Variants in RAB13 observed in about 807,000 individuals in gnomAD.
RAB13 encodes RAB13, member RAS oncogene family, also known as ras-related protein Rab-13.
RAB13 carries 15 observed loss-of-function variants against 29.3 expected under a neutral mutation model. That is an observed-to-expected ratio of 0.51 (90% CI 0.34 to 0.79). RAB13 has a LOEUF of 0.79. Ranked by LOEUF, RAB13 falls within the 30% of genes least tolerant of loss-of-function variation. The pLI is 0.01. For synonymous variants in RAB13, 82 were observed against 93.8 expected (o/e 0.87, Z 0.73); for missense variants, 186 against 255.5 (o/e 0.73, Z 1.85).
chr1:153,990,313 G>C (rs1390836956), upstream of RAB13, among the ~76,000 whole-genome samples: 1 of 152,168 alleles, frequency 6.6e-6, no homozygotes, highest in African/African-American at 2.4e-5. Flanking sequence ...TGATCCACCC[G>C]CCTTGGCCTC....
intron 1 of RAB13, 56 bp downstream of exon 1, chr1:153,986,057 G>A (rs1649157373): frequency 1.2e-6 from 2 of 1,607,866 alleles, no homozygotes; most frequent in Non-Finnish European, 1.7e-6. Context: ...TAATCCGGGA[G>A]CCGGAGAAGG....
intron 1 of RAB13, 29 bp from the exon 2 acceptor site, chr1:153,984,810 G>A (rs757615657): frequency 1.9e-6 from 3 of 1,600,994 alleles, no homozygotes; most frequent in East Asian, 4.5e-5. Context: ...CACTGAAGTT[G>A]AGACATGCAT....
intron 1 of RAB13, 48 bp from the exon 2 acceptor site, chr1:153,984,829 G>C: frequency 1.3e-6 from 2 of 1,559,882 alleles, no homozygotes; most frequent in Non-Finnish European, 1.8e-6. Context: ...ATGCACACAT[G>C]TAAAACTGTG....
At chr1:153,984,588 T>C in intron 2 of RAB13, 133 bp downstream of exon 2, 3 of 751,394 alleles carry the variant, frequency 4.0e-6, no homozygotes, top group Non-Finnish European at 6.7e-6. Flanking sequence ...TCCGGAGAAA[T>C]GCCAGAAGTG....
chr1:153,987,401 A>G (rs1459730626), upstream of RAB13, among the ~76,000 whole-genome samples: 1 of 151,890 alleles, frequency 6.6e-6, no homozygotes, highest in African/African-American at 2.4e-5. Context: ...CTGTAGTCCT[A>G]GCCACTTGGG....
rs186620971 is a variant in RAB13, at chr1:153,983,493, A to C, written c.246+28T>G. On this transcript the variant is annotated intron_variant, in intron 3 of 7. Transcript: ENST00000368575. ...AATATATTCTGTAGCCTCATCCTTC[A>C]TCCTTTGTTCAGACCCACACTTCAT... is the stretch of plus-strand genomic sequence containing the variant. 6.6e-4 allele frequency: 1,037 copies of C among 1,574,248 alleles called. 7 individuals carry two copies. The African/African-American group carries it at 9.0e-3, about 14-fold the overall frequency.
At chr1:153,986,686 G>A (rs986881046), upstream of RAB13, among the ~76,000 whole-genome samples, 3 of 150,454 alleles carry the variant, frequency 2.0e-5, no homozygotes, top group Non-Finnish European at 3.0e-5. Context: ...AAGGGTGAAG[G>A]TAGGGAGAGC....
Position 153,982,786 on chromosome 1 carries a change from C to T in RAB13, c.347G>A (p.Arg116His). ...GTCACATTTGTTCCCCAGCAAGAGG[C>T]GCTCCACCCCAGCCGAGGCATTCTG... Reference protein sequence around the residue: ...IKENASAGVERLLLGNKCDME... With the variant: ...IKENASAGVEHLLLGNKCDME... The change falls in exon 5 of 8, where the codon CGC (arginine) becomes CAC (histidine). Residue 116 changes from arginine (R) to histidine (H), a missense_variant. Coordinates refer to ENST00000368575, the MANE Select transcript of RAB13 (RefSeq NM_002870.5). 4.3e-6 allele frequency: 7 copies of T among 1,614,162 alleles called. No individual in the cohort carries two copies. Among genetic ancestry groups the T allele is most frequent in the South Asian group, 2.2e-5 (2 of 91,078 alleles).
chr1:153,986,280 C>A lies in RAB13; in HGVS notation c.-44G>T. 1 of 1,548,522 alleles carries A rather than the reference C, an allele frequency of 6.5e-7. No homozygotes were observed. Among genetic ancestry groups the A allele is most frequent in the Non-Finnish European group, 8.9e-7 (1 of 1,126,934 alleles). On this transcript the variant is annotated 5_prime_UTR_variant, in exon 1 of 8. Coordinates refer to ENST00000368575, the MANE Select transcript of RAB13 (RefSeq NM_002870.5). The stretch of plus-strand genomic sequence containing the variant: ...CGGGGGAGGGGTGGGGAGCGCCCGG[C>A]ACTGGTAGGCGGGACTGGACGGTTG...
At chr1:153,989,807 G>A (rs1302214631), upstream of RAB13, among the ~76,000 whole-genome samples, 2 of 151,434 alleles carry the variant, frequency 1.3e-5, no homozygotes, top group African/African-American at 4.8e-5. Context: ...CAGGAGAATC[G>A]CTTGAACGCG....
upstream of RAB13, among the ~76,000 whole-genome samples, chr1:153,987,528 A>AAAAG (rs1553215351): frequency 0.11 from 14,266 of 126,076 alleles, 1,403 homozygotes; most frequent in African/African-American, 0.21. Context: ...AAAAAAAAAA[A>AAAAG]AAAGAAAGAA....
intron 1 of RAB13, 120 bp downstream of exon 1, chr1:153,985,993 G>T (rs760582389): frequency 2.8e-5 from 42 of 1,494,750 alleles, no homozygotes; most frequent in Non-Finnish European, 3.7e-5. Flanking sequence ...CAGGGGTTGA[G>T]GGACTAGAAT....
At chr1:153,990,269 T>C (rs998044674), upstream of RAB13, among the ~76,000 whole-genome samples, 1 of 152,244 alleles carries the variant, frequency 6.6e-6, no homozygotes, top group South Asian at 2.1e-4. Flanking sequence ...TTTCACTATG[T>C]TGGCCAGGCT....
chr1:153,986,987 A>G (rs941956890), upstream of RAB13, among the ~76,000 whole-genome samples: 1 of 152,194 alleles, frequency 6.6e-6, no homozygotes, highest in Non-Finnish European at 1.5e-5. Context: ...CTACCTAGAC[A>G]CATCCTGGGG....
rs1649133006 is a variant in RAB13, at chr1:153,985,442, C to T, written c.125-661G>A. The T allele has an allele frequency of 4.3e-6, 4 of 923,082 alleles. No individual in the cohort carries two copies. In the African/African-American group the frequency reaches 7.2e-5, roughly 17 times the overall value. The allele number at this position is 923,082 out of a possible 1,614,324, so 57.2% of individuals were successfully genotyped here. A position where few individuals can be genotyped will look rare whatever the true frequency, so the allele number is the denominator to read the frequency against. On this transcript the variant is annotated intron_variant, in intron 1 of 7. Transcript: ENST00000368575. ...CTTCTTAGTAGAAACTTGGGCACCT[C>T]CCCCAAGCCTGCTGGGGGCCCCTGG...
intron 4 of RAB13, 139 bp downstream of exon 4, chr1:153,983,080 C>G: frequency 1.2e-6 from 1 of 827,976 alleles, no homozygotes. Context: ...AGCCGAGATC[C>G]TGCCATTGCA....
At chr1:153,984,465 GTTGT>G (rs1326435149) in intron 2 of RAB13, among the ~76,000 whole-genome samples, 2 of 152,166 alleles carry the variant, frequency 1.3e-5, no homozygotes, top group Admixed American at 1.3e-4. Context: ...TGACTGAACA[GTTGT>G]TTGTTGTCAA....
In RAB13 at chr1:153,982,856, G is replaced by T. The variant is rs1312302951; in HGVS notation, c.325-48C>A. On this transcript the variant is annotated intron_variant, in intron 4 of 7. Transcript: ENST00000368575. ...AGTTAGGTCCTGCCGGCTGGGAGCG[G>T]TGGCTCACGCCTGTAATCCCAGCAC... The T allele has an allele frequency of 1.9e-6, 3 of 1,584,662 alleles. No homozygotes were observed. In the East Asian group the frequency reaches 6.7e-5, roughly 36 times the overall value.
upstream of RAB13, among the ~76,000 whole-genome samples, chr1:153,987,523 A>AG (rs1232427860): frequency 2.9e-5 from 4 of 139,008 alleles, no homozygotes; most frequent in Non-Finnish European, 6.1e-5. Flanking sequence ...CTCAAAAAAA[A>AG]AAAAAAAAGA....
Sources: allele counts gnomAD v4.1 joint callset (sites outside exome capture counted in the v4.1 genomes callset), GRCh38; gene constraint gnomAD v4.1.1; transcripts MANE v1.5; gene names NCBI Gene and HGNC (gene_info 2026-07-23, HGNC 2026-07-21).